Variants in CDC27 observed in about 807,000 individuals in gnomAD.
CDC27 encodes the protein cell division cycle protein 27 homolog.
In CDC27, 27 loss-of-function variants were observed where a neutral mutation model predicts 109.7. That is an observed-to-expected ratio of 0.25 (90% CI 0.18 to 0.34). The LOEUF is 0.34. Ranked by LOEUF, CDC27 falls within the 10% of genes least tolerant of loss-of-function variation. The pLI is 1.00. For missense variants in CDC27, 579 were observed against 960.2 expected (o/e 0.60, Z 5.25); for synonymous variants, 266 against 333.9 (o/e 0.80, Z 2.22).
rs748312745 is a variant in CDC27 at position 47,156,974 on chromosome 17, T to C, written c.781A>G (p.Lys261Glu). The C allele has an allele frequency of 6.3e-7, 1 of 1,582,202 alleles. No individual in the cohort carries two copies. The highest frequency in any genetic ancestry group is 8.6e-7 in the Non-Finnish European group (1 of 1,157,862). ...TSILSKQVQNKPKTGRSLLGG... is the reference protein window; with the variant it reads ...TSILSKQVQNEPKTGRSLLGG... ...AATAAACTTCGACCAGTTTTTGGTT[T>C]ATTTTGAACCTGTTTAGATAATATG... is the stretch of plus-strand genomic sequence containing the variant. The change falls in exon 7 of 19, where the codon AAA becomes GAA. Residue 261 changes from lysine (K) to glutamate (E), a missense_variant. Lys to Glu is a moderately conservative substitution (Grantham distance 56). Coordinates refer to ENST00000066544, the MANE Select transcript of CDC27 (RefSeq NM_001256.6).
chr17:47,186,725 A>G (rs962865807), intron 1 of CDC27, among the ~76,000 whole-genome samples: 2 of 152,156 alleles, frequency 1.3e-5, no homozygotes, highest in Admixed American at 6.5e-5. Context: ...CATATATGGT[A>G]TATCGGACTG....
rs140967083 is a variant in CDC27 at position 47,118,854 on chromosome 17, C to A, written c.*2081G>T. The A allele has an allele frequency of 2.0e-5, 3 of 152,116 alleles. No homozygotes were observed. The highest frequency in any genetic ancestry group is 7.2e-5 in the African/African-American group (3 of 41,432). The allele number at this position is 152,116 out of a possible 1,614,324, so 9.4% of individuals were successfully genotyped here. A position where few individuals can be genotyped will look rare whatever the true frequency, so the allele number is the denominator to read the frequency against. Reference sequence around the variant, plus strand: ...AAAAATAAAATAGGCCAAGCTTGGGCGGAAACTGTCCCCCAACCAGCCATT... The same window carrying A: ...AAAAATAAAATAGGCCAAGCTTGGGAGGAAACTGTCCCCCAACCAGCCATT... On this transcript the variant is annotated 3_prime_UTR_variant, in exon 19 of 19. Transcript: ENST00000066544.
chr17:47,173,267 T>C (rs1053556599), intron 2 of CDC27, among the ~76,000 whole-genome samples: 7 of 152,180 alleles, frequency 4.6e-5, no homozygotes, highest in African/African-American at 1.4e-4. Flanking sequence ...GTCCATCTTA[T>C]GGTTTTTTAT....
chr17:47,153,925 TAA>T (rs1453483448), intron 8 of CDC27, among the ~76,000 whole-genome samples: 1 of 151,682 alleles, frequency 6.6e-6, no homozygotes, highest in East Asian at 1.9e-4. Flanking sequence ...TCTACAAAAA[TAA>T]AAGTTAAAAA....
chr17:47,147,898 C>CAAAA (rs893703763), intron 9 of CDC27, among the ~76,000 whole-genome samples: 3 of 45,648 alleles, frequency 6.6e-5, no homozygotes, highest in Admixed American at 2.4e-4. Flanking sequence ...GACCCTGTCT[C>CAAAA]AAAAAAAAAA....
At chr17:47,126,810 T>C (rs1391255157) in intron 16 of CDC27, among the ~76,000 whole-genome samples, 1 of 152,196 alleles carries the variant, frequency 6.6e-6, no homozygotes, top group Non-Finnish European at 1.5e-5. Context: ...AAATTTTTTT[T>C]TGAGACAGAG....
intron 14 of CDC27, among the ~76,000 whole-genome samples, chr17:47,133,445 T>C (rs955658576): frequency 1.5e-5 from 2 of 136,720 alleles, no homozygotes; most frequent in African/African-American, 5.6e-5. Context: ...GCTGTTTTTT[T>C]GTTTTTTTTT....
chr17:47,125,183 G>A (rs539111723), intron 16 of CDC27, among the ~76,000 whole-genome samples: 2 of 145,344 alleles, frequency 1.4e-5, no homozygotes, highest in Non-Finnish European at 1.5e-5. Flanking sequence ...GCCTCCCAAA[G>A]TGCTAGGATT....
chr17:47,122,596 T>C lies in CDC27; in HGVS notation c.2240A>G (p.Tyr747Cys). ...SLVYFLIGKVYKKLGQTHLAL... is the reference protein window; with the variant it reads ...SLVYFLIGKVCKKLGQTHLAL... Reference sequence around the variant, plus strand: ...GAGGTGCGTTTGACCTAACTTCTTGTAAACCTAAAAATAAACAGCAGCACT... The same window carrying C: ...GAGGTGCGTTTGACCTAACTTCTTGCAAACCTAAAAATAAACAGCAGCACT... Residue 747 changes from tyrosine (Y) to cysteine (C), a missense_variant, in exon 18 of 19, where the codon TAC (tyrosine) becomes TGC (cysteine). Physicochemically the swap from Tyr to Cys is radical, Grantham distance 194 (BLOSUM62 -2). Transcript: ENST00000066544. The C allele has an allele frequency of 6.3e-7, 1 of 1,578,020 alleles. No homozygotes were observed. Among genetic ancestry groups the C allele is most frequent in the Middle Eastern group, 1.7e-4 (1 of 5,894 alleles).
Position 47,136,575 on chromosome 17 carries a change from CAT to C in CDC27, c.1913+575_1913+576del, listed in dbSNP as rs1473523142. Among the ~76,000 whole-genome samples, 3 of 152,152 alleles carry C rather than the reference CAT, an allele frequency of 2.0e-5. No individual in the cohort carries two copies. The East Asian group carries it at 5.8e-4, about 29-fold the overall frequency. The stretch of plus-strand genomic sequence containing the variant: ...AGGCAGAAATAGGACCAAACTTTTT[CAT>C]ATCTTATTCAGTTGATAACAATATG... On this transcript the variant is annotated intron_variant, in intron 14 of 18. Transcript: ENST00000066544.
intron 9 of CDC27, among the ~76,000 whole-genome samples, chr17:47,150,964 G>A (rs1312349814): frequency 1.3e-5 from 2 of 151,136 alleles, no homozygotes; most frequent in African/African-American, 2.4e-5. Context: ...CCCGGGAGGC[G>A]GAGGTTGTGG....
At chr17:47,179,123 A>G (rs1466787968) in intron 2 of CDC27, among the ~76,000 whole-genome samples, 4 of 152,180 alleles carry the variant, frequency 2.6e-5, no homozygotes, top group African/African-American at 9.7e-5. Context: ...CAGGCCGACT[A>G]TAAATCTCGA....
intron 1 of CDC27, chr17:47,188,629 C>T (rs2064542004): frequency 2.2e-6 from 1 of 461,104 alleles, no homozygotes; most frequent in Non-Finnish European, 2.9e-6. Context: ...AGAAAGGAAA[C>T]GTGGGATAGG....
At chr17:47,140,276 C>A (rs527282124) in intron 12 of CDC27, among the ~76,000 whole-genome samples, 4 of 152,114 alleles carry the variant, frequency 2.6e-5, no homozygotes, top group Non-Finnish European at 5.9e-5. Context: ...CCACACCCAG[C>A]TAATTTTTTC....
At chr17:47,165,606 C>T (rs2063619710) in intron 4 of CDC27, among the ~76,000 whole-genome samples, 1 of 152,116 alleles carries the variant, frequency 6.6e-6, no homozygotes, top group African/African-American at 2.4e-5. Flanking sequence ...TATTTTCTCC[C>T]AGGCTGTGAC....
intron 4 of CDC27, among the ~76,000 whole-genome samples, chr17:47,162,707 TC>T (rs1347257906): frequency 6.6e-6 from 1 of 152,178 alleles, no homozygotes; most frequent in African/African-American, 2.4e-5. Context: ...AAGTCTCATT[TC>T]CAGTATTACT....
rs1192566066 is a variant in CDC27, at chr17:47,132,334, T to C, written c.1954A>G (p.Ser652Gly). 1 of 1,604,026 alleles carries C rather than the reference T, an allele frequency of 6.2e-7. No individual in the cohort carries two copies. The highest frequency in any genetic ancestry group is 8.5e-7 in the Non-Finnish European group (1 of 1,173,348). ...TTTTGGAAATGCATTTCTGCAAGGC[T>C]GAATTTTTCTTGCTTGTAATAAATC... ...GMIYYKQEKF[S>G]LAEMHFQKAL... The change falls in exon 15 of 19, where the codon AGC (serine) becomes GGC (glycine). Residue 652 changes from serine to glycine, a missense_variant. Coordinates refer to ENST00000066544, the MANE Select transcript of CDC27 (RefSeq NM_001256.6).
chr17:47,161,056 T>G (rs1332333279), intron 4 of CDC27: 1 of 151,466 alleles, frequency 6.6e-6, no homozygotes, highest in African/African-American at 2.4e-5. Flanking sequence ...ATCAAAAATT[T>G]CTTTCTTTTT....
chr17:47,130,097 C>G (rs1302654543), intron 15 of CDC27, among the ~76,000 whole-genome samples: 1 of 152,186 alleles, frequency 6.6e-6, no homozygotes, highest in East Asian at 1.9e-4. Flanking sequence ...TGCGGTGACT[C>G]AGGCCTGTAA....
Sources: allele counts gnomAD v4.1 joint callset (sites outside exome capture counted in the v4.1 genomes callset), GRCh38; gene constraint gnomAD v4.1.1; transcripts MANE v1.5; gene names NCBI Gene and HGNC (gene_info 2026-07-23, HGNC 2026-07-21).